Variants in RMDN1 observed in about 807,000 individuals in gnomAD.
RMDN1 encodes regulator of microtubule dynamics 1.
RMDN1 carries 48 observed loss-of-function variants against 48.9 expected under a neutral mutation model. The ratio of observed to expected loss-of-function variants is 0.98; its 90% CI spans 0.78 to 1.25. The LOEUF (loss-of-function observed/expected upper bound fraction) is 1.25. Among genes scored for constraint, RMDN1 ranks in the 50% most tolerant of loss-of-function variants. The probability of loss-of-function intolerance (pLI) is 0.00; values close to 1 mark genes in which losing one functional copy is unlikely to be tolerated. For synonymous variants in RMDN1, 148 were observed against 132.6 expected, an observed-to-expected ratio of 1.12 and a Z score of -0.80; for missense variants, 418 against 373.4, an observed-to-expected ratio of 1.12 and a Z score of -0.98.
intron 9 of RMDN1, 192 bp from the exon 10 acceptor site, chr8:86,474,550 T>C: frequency 1.4e-6 from 1 of 696,476 alleles, no homozygotes. Flanking sequence ...ATGACTTTTA[T>C]GTTTTAGAAA....
At chr8:86,499,161 A>G (rs1817825543) in intron 2 of RMDN1, among the ~76,000 whole-genome samples, 1 of 152,190 alleles carries the variant, frequency 6.6e-6, no homozygotes. Context: ...GGAACAAGAC[A>G]AGGATGCCCA....
chr8:86,490,535 T>C (rs1816311571), intron 2 of RMDN1, among the ~76,000 whole-genome samples: 1 of 152,010 alleles, frequency 6.6e-6, no homozygotes, highest in Non-Finnish European at 1.5e-5. Context: ...AAAGGGAATA[T>C]TCCCTAGGGT....
intron 9 of RMDN1, 158 bp downstream of exon 9, chr8:86,474,662 A>G (rs1290235901): frequency 2.5e-6 from 2 of 804,062 alleles, no homozygotes; most frequent in African/African-American, 1.7e-5. Context: ...TATTTCCTAT[A>G]TAGAAATATA....
chr8:86,504,408 G>A, intron 2 of RMDN1: 2 of 1,560,162 alleles, frequency 1.3e-6, no homozygotes, highest in Admixed American at 3.3e-5. Flanking sequence ...TTTCCATTGT[G>A]CTCCAGCTCT....
At chr8:86,477,127 TTCAGG>T (rs5892981) in intron 8 of RMDN1, among the ~76,000 whole-genome samples, 162 bp downstream of exon 8, 15,589 of 152,150 alleles carry the variant, frequency 0.1, 993 homozygotes, top group Admixed American at 0.2. Flanking sequence ...CTATTTCTCA[TTCAGG>T]TGATCTTTAC....
Position 86,484,971 on chromosome 8 carries a change from T to TA in RMDN1, c.496-11dup. ...GGCAGATTGCATACCACTGAAAATT[T>TA]AAAAAAGTGTAAGAACAATAATATT... On this transcript the variant is annotated splice_polypyrimidine_tract_variant and intron_variant, in intron 4 of 9. Coordinates refer to ENST00000406452, the MANE Select transcript of RMDN1 (RefSeq NM_016033.3). The TA allele has an allele frequency of 6.9e-7, 1 of 1,453,726 alleles. No individual in the cohort carries two copies. The highest frequency in any genetic ancestry group is 9.5e-7 in the Non-Finnish European group (1 of 1,047,522). The allele number at this position is 1,453,726 out of a possible 1,614,324, so 90.1% of individuals were successfully genotyped here.
At chr8:86,479,959 G>C (rs987498439) in intron 6 of RMDN1, among the ~76,000 whole-genome samples, 9 of 152,092 alleles carry the variant, frequency 5.9e-5, no homozygotes, top group African/African-American at 2.2e-4. Flanking sequence ...AAGATACAAA[G>C]ACCCTCTTGG....
intron 2 of RMDN1, among the ~76,000 whole-genome samples, chr8:86,491,741 A>C (rs577631902): frequency 3.0e-4 from 45 of 152,324 alleles, no homozygotes; most frequent in South Asian, 4.1e-4. Context: ...GCAAGATCAT[A>C]ATAATTAGAA....
chr8:86,470,558 CAGAG>C (rs1026477069), downstream of RMDN1: 5 of 502,408 alleles, frequency 1.0e-5, no homozygotes, highest in African/African-American at 8.1e-5. Context: ...GCATGTATCC[CAGAG>C]AGATAAAATC....
intron 5 of RMDN1, chr8:86,482,485 G>T: frequency 3.3e-6 from 2 of 611,414 alleles, no homozygotes; most frequent in Admixed American, 2.2e-5. Flanking sequence ...AGTGTTATTC[G>T]TTTTCTTCCT....
chr8:86,508,441 G>A (rs762550274), intron 1 of RMDN1, 51 bp downstream of exon 1: 5 of 1,510,696 alleles, frequency 3.3e-6, no homozygotes, highest in Admixed American at 4.4e-5. Flanking sequence ...AGGGGGAGCC[G>A]GAACCCACTG....
At chr8:86,512,335 G>C (rs1237361611), upstream of RMDN1, among the ~76,000 whole-genome samples, 1 of 152,162 alleles carries the variant, frequency 6.6e-6, no homozygotes, top group Non-Finnish European at 1.5e-5. Context: ...ATCAAAAATA[G>C]AGCCAGAAAC....
Position 86,473,779 on chromosome 8 carries a change from A to G in RMDN1, c.*529T>C, listed in dbSNP as rs958381333. 3 of 970,036 alleles carry G rather than the reference A, an allele frequency of 3.1e-6. No homozygotes were observed. In the African/African-American group the frequency reaches 5.3e-5, roughly 17 times the overall value. 60.1% of individuals were successfully genotyped at this position (970,036 alleles called of 1,614,324 possible). ...AGACTCTGTCTCAAAAAAATAAAAA[A>G]GGAAACTACTCCATTTTTAGTCATC... On this transcript the variant is annotated 3_prime_UTR_variant, in exon 10 of 10. Coordinates refer to ENST00000406452, the MANE Select transcript of RMDN1 (RefSeq NM_016033.3).
intron 3 of RMDN1, among the ~76,000 whole-genome samples, chr8:86,487,824 G>T (rs573170718): frequency 6.6e-6 from 1 of 152,244 alleles, no homozygotes; most frequent in African/African-American, 2.4e-5. Flanking sequence ...GAAGAATGGA[G>T]AAGAAAAGAT....
chr8:86,472,796 C>T lies in RMDN1; in HGVS notation c.*1512G>A. 3.8e-6 allele frequency: 1 copy of T among 264,714 alleles called. No homozygotes were observed. The highest frequency in any genetic ancestry group is 7.1e-6 in the Non-Finnish European group (1 of 141,568). The allele number at this position is 264,714 out of a possible 1,614,324, so 16.4% of individuals were successfully genotyped here. A position where few individuals can be genotyped will look rare whatever the true frequency, so the allele number is the denominator to read the frequency against. ...CAGTCAGGAATGATGGTGACATCAA[C>T]CAACCACAAATTACCCACATGAGTG... On this transcript the variant is annotated 3_prime_UTR_variant, in exon 10 of 10. Coordinates refer to ENST00000406452, the MANE Select transcript of RMDN1 (RefSeq NM_016033.3).
At chr8:86,482,775 G>A (rs1261791868) in intron 5 of RMDN1, 3 of 910,294 alleles carry the variant, frequency 3.3e-6, no homozygotes, top group Non-Finnish European at 5.6e-6. Flanking sequence ...GGACCCCAAT[G>A]TGACAAGTAG....
chr8:86,502,659 AATCT>A (rs1359494745), intron 2 of RMDN1, among the ~76,000 whole-genome samples: 8 of 152,220 alleles, frequency 5.3e-5, no homozygotes, highest in African/African-American at 1.4e-4. Context: ...TTGTAAATAA[AATCT>A]ATCTATCTCA....
chr8:86,472,210 A>C, downstream of RMDN1: 1 of 587,090 alleles, frequency 1.7e-6, no homozygotes, highest in Non-Finnish European at 3.0e-6. Context: ...ACATGTATAA[A>C]TACAGGTTGA....
At chr8:86,493,572 T>C (rs370517274) in intron 2 of RMDN1, among the ~76,000 whole-genome samples, 43 of 152,226 alleles carry the variant, frequency 2.8e-4, no homozygotes, top group African/African-American at 9.1e-4. Flanking sequence ...GAGGACATGA[T>C]GTTAAGTGAA....
Sources: allele counts gnomAD v4.1 joint callset (sites outside exome capture counted in the v4.1 genomes callset), GRCh38; gene constraint gnomAD v4.1.1; transcripts MANE v1.5; gene names NCBI Gene and HGNC (gene_info 2026-07-23, HGNC 2026-07-21).